CSMD1: variants seen among roughly 807,000 people sequenced by gnomAD.
CSMD1 encodes CUB and sushi domain-containing protein 1.
CSMD1 carries 213 observed loss-of-function variants against 417.5 expected under a neutral mutation model. The observed-to-expected ratio is 0.51, with a 90% confidence interval of 0.46 to 0.57. The LOEUF is 0.57. Ranked by LOEUF, CSMD1 falls within the 20% of genes least tolerant of loss-of-function variation. The pLI is 0.00. For synonymous variants in CSMD1, 2,862 were observed against 1,736.8 expected, an observed-to-expected ratio of 1.65 and a Z score of -16.11; for missense variants, 6,923 against 4,529.7, an observed-to-expected ratio of 1.53 and a Z score of -15.17.
Position 4,277,474 on chromosome 8 carries a change from G to A in CSMD1, c.415+142479C>T, listed in dbSNP as rs866950169. On this transcript the variant is annotated intron_variant, in intron 3 of 69. Transcript: ENST00000635120. Reference sequence around the variant, plus strand: ...TCCTCACCACATACTTAAATGTACCGTCTTAAAAAAGCATATTCTCATTGT... The same window carrying A: ...TCCTCACCACATACTTAAATGTACCATCTTAAAAAAGCATATTCTCATTGT... 1.1e-4 allele frequency among the ~76,000 whole-genome samples: 16 copies of A among 151,916 alleles called. No individual in the cohort carries two copies. In the East Asian group the frequency reaches 1.2e-3, roughly 11 times the overall value.
At chr8:2,990,114 G>A (rs1385465076) in intron 54 of CSMD1, among the ~76,000 whole-genome samples, 3 of 152,214 alleles carry the variant, frequency 2.0e-5, no homozygotes, top group African/African-American at 7.2e-5. Context: ...ATTCTCAATG[G>A]TTCCTTCAGT....
chr8:3,355,597 T>C (rs955005603), intron 21 of CSMD1, among the ~76,000 whole-genome samples: 1 of 152,166 alleles, frequency 6.6e-6, no homozygotes, highest in Admixed American at 6.5e-5. Flanking sequence ...TCCACAGAAC[T>C]GCACGATGTG....
chr8:4,068,972 G>T (rs1038350233), intron 3 of CSMD1, among the ~76,000 whole-genome samples: 3 of 152,128 alleles, frequency 2.0e-5, no homozygotes, highest in South Asian at 2.1e-4. Context: ...TTTCTCCTTT[G>T]TTCAAACGTT....
intron 10 of CSMD1, among the ~76,000 whole-genome samples, chr8:3,528,469 C>T (rs1005502744): frequency 6.6e-6 from 1 of 152,168 alleles, no homozygotes; most frequent in Non-Finnish European, 1.5e-5. Flanking sequence ...CTTCAGCTTC[C>T]AAACCTTGAG....
chr8:4,744,673 A>C (rs976453714), intron 1 of CSMD1, among the ~76,000 whole-genome samples: 1 of 152,154 alleles, frequency 6.6e-6, no homozygotes, highest in African/African-American at 2.4e-5. Context: ...CAGTCTCTGG[A>C]CCTTGTCAGA....
intron 5 of CSMD1, among the ~76,000 whole-genome samples, chr8:3,966,416 A>G (rs992427362): frequency 3.3e-5 from 5 of 152,166 alleles, no homozygotes; most frequent in African/African-American, 9.7e-5. Context: ...TAATACATAT[A>G]TATCAGGTAT....
intron 3 of CSMD1, among the ~76,000 whole-genome samples, chr8:4,372,023 A>G (rs367556146): frequency 3.0e-4 from 45 of 152,288 alleles, no homozygotes; most frequent in African/African-American, 1.1e-3. Context: ...TCAGCACGAT[A>G]TAGCTACAGG....
chr8:3,008,357 C>A (rs183711420), intron 52 of CSMD1, among the ~76,000 whole-genome samples: 143 of 152,280 alleles, frequency 9.4e-4, no homozygotes, highest in Non-Finnish European at 1.7e-3. Flanking sequence ...CATTATCACC[C>A]GCACAGTGTG....
At chr8:4,878,186 T>C (rs916307489) in intron 1 of CSMD1, among the ~76,000 whole-genome samples, 2 of 151,958 alleles carry the variant, frequency 1.3e-5, no homozygotes, top group Admixed American at 1.3e-4. Flanking sequence ...TTGGAGGTGG[T>C]TCTTAAAATC....
intron 30 of CSMD1, among the ~76,000 whole-genome samples, chr8:3,207,035 C>G (rs1478604267): frequency 6.6e-6 from 1 of 151,888 alleles, no homozygotes; most frequent in East Asian, 1.9e-4. Flanking sequence ...CACTTCCTAT[C>G]TTGGATATAC....
chr8:4,021,711 T>C (rs1036508578), intron 4 of CSMD1, among the ~76,000 whole-genome samples: 4 of 152,226 alleles, frequency 2.6e-5, no homozygotes, highest in African/African-American at 4.8e-5. Context: ...TTTTTCTCTA[T>C]GTATTGTTGC....
intron 3 of CSMD1, among the ~76,000 whole-genome samples, chr8:4,190,687 C>A (rs1394429569): frequency 6.6e-6 from 1 of 151,902 alleles, no homozygotes; most frequent in Non-Finnish European, 1.5e-5. Context: ...ATAGATTTTT[C>A]ATTATGAATT....
At chr8:3,597,725 G>A (rs1038457664) in intron 8 of CSMD1, among the ~76,000 whole-genome samples, 1 of 152,034 alleles carries the variant, frequency 6.6e-6, no homozygotes, top group South Asian at 2.1e-4. Context: ...TCTCAGCAAA[G>A]TAACACAAGA....
intron 5 of CSMD1, among the ~76,000 whole-genome samples, chr8:3,877,862 A>T (rs1805935038): frequency 6.6e-6 from 1 of 152,202 alleles, no homozygotes. Context: ...ATGACAAACA[A>T]ACATTACTAA....
At position 4,660,385 on chromosome 8, in the gene CSMD1, A is replaced by T. The variant is rs375652006; in HGVS notation, c.86-22827T>A. Among the ~76,000 whole-genome samples, 5 of 152,258 alleles carry T rather than the reference A, an allele frequency of 3.3e-5. No homozygotes were observed. In the East Asian group the frequency reaches 5.8e-4, roughly 18 times the overall value. On this transcript the variant is annotated intron_variant, in intron 1 of 69. Transcript: ENST00000635120. ...TGTTTGCTGAAAACCAGAAAACACG[A>T]AAGTAATGATTAAGCAAGATACCAT... is the stretch of plus-strand genomic sequence containing the variant.
At chr8:4,674,645 CAAACA>C (rs1805558924) in intron 1 of CSMD1, among the ~76,000 whole-genome samples, 1 of 152,018 alleles carries the variant, frequency 6.6e-6, no homozygotes, top group South Asian at 2.1e-4. Context: ...TTTGGTAAAA[CAAACA>C]AAACAGAACA....
chr8:4,063,273 G>C (rs2740877), intron 3 of CSMD1, among the ~76,000 whole-genome samples: 1,529 of 119,736 alleles, frequency 0.013, 25 homozygotes, highest in African/African-American at 0.041. Context: ...TTATTACATA[G>C]AACAAAAAAA....
intron 5 of CSMD1, among the ~76,000 whole-genome samples, chr8:3,800,101 T>G (rs970980716): frequency 3.3e-5 from 5 of 152,150 alleles, no homozygotes; most frequent in Non-Finnish European, 5.9e-5. Flanking sequence ...TGTGCTAAGA[T>G]CCACTGAAGT....
intron 5 of CSMD1, among the ~76,000 whole-genome samples, chr8:3,963,369 G>A (rs1034050117): frequency 1.3e-5 from 2 of 152,158 alleles, no homozygotes; most frequent in Non-Finnish European, 2.9e-5. Flanking sequence ...TACTTAGCAA[G>A]ATTTTCAGTA....
Sources: gnomAD v4.1 joint callset for allele counts (sites outside exome capture counted in the v4.1 genomes callset) on GRCh38, gnomAD v4.1.1 for gene constraint, MANE v1.5 for transcripts, NCBI Gene and HGNC (gene_info 2026-07-23, HGNC 2026-07-21) for gene names.